The following PLD5 variants were observed in gnomAD, a reference collection of about 807,000 sequenced individuals.
The protein encoded by PLD5 is phospholipase D family member 5, also known as inactive phospholipase D5.
A neutral mutation model predicts 61.1 loss-of-function variants in PLD5; 36 were observed. The ratio of observed to expected loss-of-function variants is 0.59; its 90% CI spans 0.45 to 0.78. PLD5 has a LOEUF of 0.78. PLD5 is among the 30% of genes least tolerant of loss of function. The pLI is 0.00. For missense variants in PLD5, 515 were observed against 644.4 expected, an observed-to-expected ratio of 0.80 and a Z score of 2.17; for synonymous variants, 243 against 242.8, an observed-to-expected ratio of 1.00 and a Z score of -0.01.
intron 5 of PLD5, among the ~76,000 whole-genome samples, chr1:242,200,183 C>T (rs1002883716): frequency 1.3e-5 from 2 of 152,190 alleles, no homozygotes; most frequent in South Asian, 2.1e-4. Context: ...GAGCTTGCTG[C>T]GAGGCACGAG....
intron 5 of PLD5, among the ~76,000 whole-genome samples, chr1:242,152,254 C>A (rs1213097989): frequency 6.6e-6 from 1 of 152,088 alleles, no homozygotes; most frequent in Admixed American, 6.6e-5. Flanking sequence ...GTTCAGTTCT[C>A]ATGCTGCCAT....
chr1:242,423,102 C>T (rs914709502), intron 1 of PLD5, among the ~76,000 whole-genome samples: 3 of 152,066 alleles, frequency 2.0e-5, no homozygotes, highest in Admixed American at 6.5e-5. Flanking sequence ...CCTCCTGCCT[C>T]GACCTCCCAA....
chr1:242,207,896 T>A (rs372675738), intron 5 of PLD5, among the ~76,000 whole-genome samples: 116 of 7,586 alleles, frequency 0.015, 5 homozygotes, highest in East Asian at 0.023. Flanking sequence ...TTATATATAT[T>A]TATATATTTA....
chr1:242,233,623 C>T (rs975918458), intron 4 of PLD5, among the ~76,000 whole-genome samples: 2 of 151,994 alleles, frequency 1.3e-5, no homozygotes, highest in African/African-American at 4.8e-5. Flanking sequence ...AAGAAGCAAG[C>T]AAGGAAGCAA....
At chr1:242,141,273 A>T (rs1322049169) in intron 5 of PLD5, among the ~76,000 whole-genome samples, 3 of 152,232 alleles carry the variant, frequency 2.0e-5, no homozygotes, top group East Asian at 3.9e-4. Flanking sequence ...TCAAGGTCCC[A>T]TTGGACAGAC....
At chr1:242,296,162 T>C (rs1316195698) in intron 2 of PLD5, among the ~76,000 whole-genome samples, 1 of 152,198 alleles carries the variant, frequency 6.6e-6, no homozygotes, top group Non-Finnish European at 1.5e-5. Context: ...TACCATGATG[T>C]TGGGCATTTT....
intron 2 of PLD5, chr1:242,345,531 T>C (rs1660081123): frequency 3.3e-6 from 3 of 897,988 alleles, no homozygotes; most frequent in African/African-American, 1.6e-5. Flanking sequence ...TGGAGGTCTG[T>C]TAGCCAGGCA....
At chr1:242,144,275 A>C (rs187170614) in intron 5 of PLD5, among the ~76,000 whole-genome samples, 18 of 152,178 alleles carry the variant, frequency 1.2e-4, no homozygotes, top group African/African-American at 4.3e-4. Flanking sequence ...AAATATTATT[A>C]AACAAACCAA....
chr1:242,353,623 C>T (rs1303870752), intron 1 of PLD5, among the ~76,000 whole-genome samples: 2 of 151,932 alleles, frequency 1.3e-5, no homozygotes, highest in Non-Finnish European at 2.9e-5. Context: ...TAGTGTAATT[C>T]TTACAATATC....
At chr1:242,260,296 G>A (rs553417859) in intron 4 of PLD5, among the ~76,000 whole-genome samples, 9 of 151,210 alleles carry the variant, frequency 6.0e-5, no homozygotes, top group South Asian at 2.1e-4. Context: ...GCAGTGAGCC[G>A]AGATGGCACC....
chr1:242,267,186 A>G (rs1295988300), intron 3 of PLD5, among the ~76,000 whole-genome samples: 1 of 127,200 alleles, frequency 7.9e-6, no homozygotes, highest in Non-Finnish European at 1.6e-5. Flanking sequence ...ATGGAAAGGG[A>G]AAAGGAAAAG....
chr1:242,484,390 C>T (rs1667886741), intron 1 of PLD5, among the ~76,000 whole-genome samples: 1 of 152,072 alleles, frequency 6.6e-6, no homozygotes, highest in Admixed American at 6.6e-5. Context: ...ACCACCAATC[C>T]CACAGAAATA....
chr1:242,425,889 C>T (rs1665395895), intron 1 of PLD5, among the ~76,000 whole-genome samples: 1 of 151,962 alleles, frequency 6.6e-6, no homozygotes, highest in Non-Finnish European at 1.5e-5. Flanking sequence ...GTGATCGGCC[C>T]ACATTGGCCT....
chr1:242,518,839 A>C (rs897795210), intron 1 of PLD5, among the ~76,000 whole-genome samples: 5 of 152,220 alleles, frequency 3.3e-5, no homozygotes, highest in Admixed American at 2.6e-4. Context: ...AAGACACTGC[A>C]ATGTCAACCT....
intron 1 of PLD5, among the ~76,000 whole-genome samples, chr1:242,517,381 T>G (rs944716611): frequency 7.9e-5 from 12 of 152,224 alleles, no homozygotes; most frequent in African/African-American, 2.9e-4. Context: ...CAGTTGAGAA[T>G]GTTGTCATGC....
chr1:242,180,427 C>A (rs1332797199), intron 5 of PLD5, among the ~76,000 whole-genome samples: 1 of 151,902 alleles, frequency 6.6e-6, no homozygotes, highest in Non-Finnish European at 1.5e-5. Context: ...TTCCATTTCC[C>A]TCCCTGTGGT....
At position 242,295,332 on chromosome 1, in the gene PLD5, G is replaced by A. The variant is rs1167460989; in HGVS notation, c.327-6802C>T. 2.6e-5 allele frequency among the ~76,000 whole-genome samples: 4 copies of A among 152,098 alleles called. No homozygotes were observed. The South Asian group carries it at 6.3e-4, about 24-fold the overall frequency. ...TCTCCAGTGTCTATTATTTCCATCCGTATGTCCTTGCCTTGGATACCCATT... is the reference window on the plus strand; with the variant it reads ...TCTCCAGTGTCTATTATTTCCATCCATATGTCCTTGCCTTGGATACCCATT... On this transcript the variant is annotated intron_variant, in intron 2 of 9. Transcript: ENST00000536534.
At chr1:242,302,836 A>G (rs1438262795) in intron 2 of PLD5, among the ~76,000 whole-genome samples, 1 of 152,166 alleles carries the variant, frequency 6.6e-6, no homozygotes. Flanking sequence ...CTTCTTCTTA[A>G]TCTGCCTTTT....
chr1:242,432,932 A>G (rs1203944346), intron 1 of PLD5, among the ~76,000 whole-genome samples: 19 of 152,210 alleles, frequency 1.2e-4, no homozygotes, highest in Non-Finnish European at 1.6e-4. Context: ...TCACCCTCAG[A>G]ATCCTGCCAG....
Sources: allele counts gnomAD v4.1 joint callset (sites outside exome capture counted in the v4.1 genomes callset), GRCh38; gene constraint gnomAD v4.1.1; transcripts MANE v1.5; gene names NCBI Gene and HGNC (gene_info 2026-07-23, HGNC 2026-07-21).